The following ILRUN variants were observed in gnomAD, a reference collection of about 807,000 sequenced individuals.
The protein encoded by ILRUN is protein ILRUN.
Under a neutral mutation model 33.8 loss-of-function variants are expected in ILRUN, and 3 were observed. The ratio of observed to expected loss-of-function variants is 0.09; its 90% confidence interval spans 0.04 to 0.23. The LOEUF (loss-of-function observed/expected upper bound fraction) is 0.23. ILRUN is among the 10% of genes least tolerant of loss of function. The pLI is 1.00. For missense variants in ILRUN, 210 were observed against 375.1 expected (o/e 0.56, Z 3.64); for synonymous variants, 124 against 138.9 (o/e 0.89, Z 0.75).
intron 1 of ILRUN, 114 bp downstream of exon 1, chr6:34,696,332 G>C: frequency 8.9e-7 from 1 of 1,119,316 alleles, no homozygotes; most frequent in Non-Finnish European, 1.2e-6. Flanking sequence ...TCCCGGGAAG[G>C]GGTGGCCCTC....
intron 3 of ILRUN, among the ~76,000 whole-genome samples, chr6:34,625,852 T>TC (rs1405552161): frequency 6.9e-6 from 1 of 145,724 alleles, no homozygotes; most frequent in African/African-American, 2.7e-5. Context: ...AAGGCTTTTT[T>TC]TTTTTTTTTT....
intron 1 of ILRUN, among the ~76,000 whole-genome samples, 170 bp from the exon 2 acceptor site, chr6:34,654,949 C>T (rs555338972): frequency 2.9e-4 from 44 of 152,042 alleles, no homozygotes; most frequent in Admixed American, 1.0e-3. Flanking sequence ...GGAAAAACAC[C>T]AGGACCAACA....
chr6:34,592,603 T>C lies in ILRUN; in HGVS notation c.862-2003A>G, dbSNP rs762134336. ...TTTTTATTTTTATTTTTTATTTTTA[T>C]TTTTTTCAAGACAGAGTCAAGTGCT... On this transcript the variant is annotated intron_variant, in intron 4 of 4. Coordinates refer to ENST00000374023, the MANE Select transcript of ILRUN (RefSeq NM_024294.4). The surrounding 1 kb of genome is among the most constrained non-coding windows in gnomAD (Gnocchi z 4.0). Among the ~76,000 whole-genome samples the C allele has an allele frequency of 6.6e-6, 1 of 152,198 alleles. No individual in the cohort carries two copies. Among genetic ancestry groups the C allele is most frequent in the Non-Finnish European group, 1.5e-5 (1 of 68,028 alleles).
intron 1 of ILRUN, among the ~76,000 whole-genome samples, chr6:34,691,669 G>A (rs542286062): frequency 3.3e-5 from 5 of 151,928 alleles, no homozygotes; most frequent in Non-Finnish European, 7.4e-5. Flanking sequence ...GGTCGTGGGC[G>A]CCCACAGTCC....
intron 3 of ILRUN, among the ~76,000 whole-genome samples, chr6:34,641,240 C>T: frequency 6.6e-6 from 1 of 152,170 alleles, no homozygotes; most frequent in East Asian, 1.9e-4. Context: ...ACAGTTCACA[C>T]TCTTAGCCAC....
intron 3 of ILRUN, among the ~76,000 whole-genome samples, chr6:34,635,581 G>A (rs1183350438): frequency 7.3e-5 from 10 of 137,422 alleles, no homozygotes; most frequent in East Asian, 4.6e-4. Context: ...GGGAGGGAGG[G>A]AGGGAGGGAG....
At chr6:34,659,618 CTTTTT>C (rs985939505) in intron 1 of ILRUN, among the ~76,000 whole-genome samples, 1 of 91,476 alleles carries the variant, frequency 1.1e-5, no homozygotes, top group African/African-American at 4.6e-5. Flanking sequence ...ATAAGGCAGT[CTTTTT>C]TTTTTTTTTT....
At chr6:34,649,144 A>G (rs993776210) in intron 2 of ILRUN, among the ~76,000 whole-genome samples, 5 of 152,232 alleles carry the variant, frequency 3.3e-5, no homozygotes, top group Admixed American at 1.3e-4. Flanking sequence ...ATCCACCAAC[A>G]ACTCTGAAGT....
At position 34,614,677 on chromosome 6, in the gene ILRUN, G is replaced by A. The variant is rs180679291; in HGVS notation, c.512-7773C>T. On this transcript the variant is annotated intron_variant, in intron 3 of 4. Transcript: ENST00000374023. ...CCCTCCTTGAGAGTGGGCTAGCCTT[G>A]TGATTCGCTTCCAAAAAATTGTATA... Among the ~76,000 whole-genome samples, 11 of 151,576 alleles carry A rather than the reference G, an allele frequency of 7.3e-5. No homozygotes were observed. The East Asian group carries it at 1.5e-3, about 21-fold the overall frequency.
chr6:34,683,068 C>A (rs1423073243), intron 1 of ILRUN, among the ~76,000 whole-genome samples: 2 of 150,370 alleles, frequency 1.3e-5, no homozygotes, highest in African/African-American at 4.9e-5. Context: ...AAAAAAAAAA[C>A]AAAAACAGGA....
intron 1 of ILRUN, among the ~76,000 whole-genome samples, chr6:34,660,824 C>T (rs962713921): frequency 6.6e-6 from 1 of 152,136 alleles, no homozygotes; most frequent in Non-Finnish European, 1.5e-5. Context: ...GAAACTAAGA[C>T]TTTCATTGAA....
At chr6:34,693,672 A>G (rs9368828) in intron 1 of ILRUN, among the ~76,000 whole-genome samples, 1 of 145,052 alleles carries the variant, frequency 6.9e-6, no homozygotes, top group African/African-American at 2.7e-5. Flanking sequence ...ATTTTATTTT[A>G]TTTTTTTTTT....
At chr6:34,654,524 G>C in intron 2 of ILRUN, 101 bp downstream of exon 2, 1 of 1,208,560 alleles carries the variant, frequency 8.3e-7, no homozygotes, top group Admixed American at 2.4e-5. Context: ...GAGAAAGCTC[G>C]CAGTTACACA....
At chr6:34,659,191 C>G (rs1405510906) in intron 1 of ILRUN, among the ~76,000 whole-genome samples, 3 of 152,180 alleles carry the variant, frequency 2.0e-5, no homozygotes, top group African/African-American at 7.2e-5. Context: ...CCCAAAGCAG[C>G]TTTTCCTGCT....
At chr6:34,617,504 C>A (rs905687920) in intron 3 of ILRUN, among the ~76,000 whole-genome samples, 2 of 152,166 alleles carry the variant, frequency 1.3e-5, no homozygotes, top group Admixed American at 6.5e-5. Flanking sequence ...ACAGTAGCCA[C>A]GCTCCCCTGA....
At chr6:34,689,649 C>T (rs1325822548) in intron 1 of ILRUN, among the ~76,000 whole-genome samples, 3 of 151,808 alleles carry the variant, frequency 2.0e-5, no homozygotes, top group East Asian at 1.9e-4. Context: ...ACTCATTTAG[C>T]ACGGGTGACT....
At chr6:34,669,089 C>A (rs995251652) in intron 1 of ILRUN, among the ~76,000 whole-genome samples, 1 of 151,926 alleles carries the variant, frequency 6.6e-6, no homozygotes, top group African/African-American at 2.4e-5. Flanking sequence ...AGGTGATCCA[C>A]CCATCTTGGC....
Position 34,696,577 on chromosome 6 carries a change from G to T in ILRUN, c.27C>A (p.Asp9Glu). The stretch of plus-strand genomic sequence containing the variant: ...AGCTGAACTTCTGCATCAGCTCCGG[G>T]TCCAGGTCTACGTCCATGCCCTCCA... MEGMDVDL[D>E]PELMQKFSCL... Residue 9 changes from aspartate (D) to glutamate (E), a missense_variant, in exon 1 of 5, where the codon GAC becomes GAA. Physicochemically the swap from Asp to Glu is conservative, Grantham distance 45. This residue lies in a region of ILRUN where 61 missense variants were observed against 94.4 expected (regional missense o/e 0.65). Transcript: ENST00000374023. The T allele has an allele frequency of 6.2e-7, 1 of 1,612,254 alleles. No homozygotes were observed.
chr6:34,665,071 G>A (rs960644519), intron 1 of ILRUN, among the ~76,000 whole-genome samples: 3 of 151,858 alleles, frequency 2.0e-5, no homozygotes, highest in African/African-American at 7.3e-5. Context: ...CCTGGACTCA[G>A]GCAATCGTCC....
Sources: gnomAD v4.1 joint callset for allele counts (sites outside exome capture counted in the v4.1 genomes callset) on GRCh38, gnomAD v4.1.1 for gene constraint, gnomAD v4.1.1 regional missense constraint, Gnocchi (gnomAD v3.1) non-coding constraint, MANE v1.5 for transcripts, NCBI Gene and HGNC (gene_info 2026-07-23, HGNC 2026-07-21) for gene names.